The following CFDP1 variants were observed in gnomAD, a reference collection of about 807,000 sequenced individuals.
The protein encoded by CFDP1 is chromatin remodeling protein CFDP1.
Under a neutral mutation model 40.1 loss-of-function variants are expected in CFDP1, and 31 were observed. That is an observed-to-expected ratio of 0.77 (90% CI 0.58 to 1.04). The LOEUF (loss-of-function observed/expected upper bound fraction) is 1.04. Among genes scored for constraint, CFDP1 ranks in the 50% least tolerant of loss-of-function variants. The pLI is 0.00. For missense variants in CFDP1, 423 were observed against 343.4 expected (o/e 1.23, Z -1.83); for synonymous variants, 167 against 120.0 (o/e 1.39, Z -2.56).
intron 5 of CFDP1, among the ~76,000 whole-genome samples, chr16:75,385,546 A>T (rs112837265): frequency 5.9e-5 from 9 of 151,734 alleles, no homozygotes; most frequent in Non-Finnish European, 1.0e-4. Flanking sequence ...GTTGAAAAAA[A>T]AAATTCTAAT....
intron 1 of CFDP1, among the ~76,000 whole-genome samples, chr16:75,424,532 G>C (rs544666175): frequency 6.6e-6 from 1 of 152,218 alleles, no homozygotes; most frequent in East Asian, 1.9e-4. Context: ...GAGGCGGGCG[G>C]ATCACGAGGT....
chr16:75,400,498 T>C (rs72787147), intron 4 of CFDP1, among the ~76,000 whole-genome samples: 9,351 of 152,160 alleles, frequency 0.061, 324 homozygotes, highest in Middle Eastern at 0.13. Flanking sequence ...CTAAAACCAG[T>C]TGGAATTATC....
intron 6 of CFDP1, among the ~76,000 whole-genome samples, chr16:75,297,180 G>GTGTC (rs1555551802): frequency 6.7e-6 from 1 of 149,466 alleles, no homozygotes; most frequent in African/African-American, 2.4e-5. Context: ...GTGTGTGTGT[G>GTGTC]TGTGTGTGTG....
intron 1 of CFDP1, among the ~76,000 whole-genome samples, chr16:75,431,469 A>AAAG (rs1555569211): frequency 2.7e-5 from 4 of 149,134 alleles, no homozygotes; most frequent in Non-Finnish European, 5.9e-5. Context: ...AAAAAAAAAA[A>AAAG]AAAAAAAAGA....
chr16:75,366,664 T>C (rs1238434195), intron 5 of CFDP1, among the ~76,000 whole-genome samples: 2 of 151,970 alleles, frequency 1.3e-5, no homozygotes, highest in African/African-American at 2.4e-5. Context: ...TATAGGGAGA[T>C]AGATACTGAA....
intron 5 of CFDP1, among the ~76,000 whole-genome samples, chr16:75,347,229 A>T (rs1227571854): frequency 6.6e-6 from 1 of 151,098 alleles, no homozygotes; most frequent in Non-Finnish European, 1.5e-5. Context: ...TTGTAATCCC[A>T]GGTACTCAGG....
At chr16:75,387,471 C>A (rs1053621696) in intron 5 of CFDP1, among the ~76,000 whole-genome samples, 1 of 152,202 alleles carries the variant, frequency 6.6e-6, no homozygotes, top group African/African-American at 2.4e-5. Context: ...CAAACCATGT[C>A]ATTCTGGAGC....
At chr16:75,402,786 T>C (rs1404856887) in intron 4 of CFDP1, among the ~76,000 whole-genome samples, 4 of 152,190 alleles carry the variant, frequency 2.6e-5, no homozygotes, top group South Asian at 2.1e-4. Flanking sequence ...TGAGAATTCC[T>C]TATAATGCCT....
chr16:75,336,123 G>GT (rs1160490208), intron 5 of CFDP1, among the ~76,000 whole-genome samples: 2 of 152,158 alleles, frequency 1.3e-5, no homozygotes, highest in African/African-American at 2.4e-5. Context: ...ATCAGAATCA[G>GT]TATCACTTAG....
At chr16:75,340,470 T>A (rs1455336689) in intron 5 of CFDP1, among the ~76,000 whole-genome samples, 2 of 152,208 alleles carry the variant, frequency 1.3e-5, no homozygotes, top group Non-Finnish European at 2.9e-5. Context: ...CACACTAAAA[T>A]ATTTACATAA....
In CFDP1 at chr16:75,392,464, T is replaced by C. The variant is rs376859978; in HGVS notation, c.650+2626A>G. Among the ~76,000 whole-genome samples the C allele has an allele frequency of 1.3e-4, 20 of 152,270 alleles. 3 individuals are homozygous for C. The highest frequency in any genetic ancestry group is 6.5e-4 in the Admixed American group (10 of 15,290). On this transcript the variant is annotated intron_variant, in intron 5 of 6. Transcript: ENST00000283882. ...CAGCTTGTTACCAGGTATAAGCATATAAGTAACTGAAATAAAAATTCTATA... is the reference window on the plus strand; with the variant it reads ...CAGCTTGTTACCAGGTATAAGCATACAAGTAACTGAAATAAAAATTCTATA...
chr16:75,400,101 CAAAAAAAA>C (rs71276627), intron 4 of CFDP1, among the ~76,000 whole-genome samples: 2 of 59,326 alleles, frequency 3.4e-5, no homozygotes, highest in Admixed American at 2.2e-4. Flanking sequence ...AACTCCATCT[CAAAAAAAA>C]AAAAAAAAAA....
intron 5 of CFDP1, chr16:75,305,427 T>C: frequency 4.3e-6 from 2 of 467,250 alleles, no homozygotes; most frequent in East Asian, 3.8e-5. Context: ...TCCTGCCTTC[T>C]TCAGACCTCT....
intron 1 of CFDP1, among the ~76,000 whole-genome samples, chr16:75,415,011 C>T (rs1187024089): frequency 1.3e-5 from 2 of 152,144 alleles, no homozygotes; most frequent in Non-Finnish European, 2.9e-5. Context: ...TTCATTGTGA[C>T]TTTTAAGTAT....
intron 5 of CFDP1, chr16:75,324,570 C>A (rs1597331757): frequency 6.6e-6 from 1 of 151,892 alleles, no homozygotes; most frequent in East Asian, 1.9e-4. Context: ...GGTGAAACTC[C>A]GTCTCTACTA....
At chr16:75,421,437 T>C (rs2079278980) in intron 1 of CFDP1, among the ~76,000 whole-genome samples, 1 of 152,058 alleles carries the variant, frequency 6.6e-6, no homozygotes, top group African/African-American at 2.4e-5. Context: ...CAATATCAAA[T>C]TCCATGCAGT....
In CFDP1 at chr16:75,412,525, C is replaced by T; in HGVS notation, c.402+10G>A. 6.2e-7 allele frequency: 1 copy of T among 1,608,668 alleles called. No individual in the cohort carries two copies. Among genetic ancestry groups the T allele is most frequent in the South Asian group, 1.1e-5 (1 of 90,934 alleles). Reference sequence around the variant, plus strand: ...GGAGAGGCATTCACCTCACTAATGTCTCAACTTACCTTAACTTGTGTACTT... The same window carrying T: ...GGAGAGGCATTCACCTCACTAATGTTTCAACTTACCTTAACTTGTGTACTT... On this transcript the variant is annotated intron_variant, in intron 3 of 6. Coordinates refer to ENST00000283882, the MANE Select transcript of CFDP1 (RefSeq NM_006324.3).
chr16:75,332,197 G>A (rs1457151447), intron 5 of CFDP1, among the ~76,000 whole-genome samples: 1 of 152,164 alleles, frequency 6.6e-6, no homozygotes, highest in South Asian at 2.1e-4. Context: ...AGGTGCGGTG[G>A]CTCACGCCTG....
intron 5 of CFDP1, among the ~76,000 whole-genome samples, chr16:75,317,735 A>G (rs529081074): frequency 6.6e-6 from 1 of 152,258 alleles, no homozygotes; most frequent in East Asian, 1.9e-4. Flanking sequence ...TATTTTCCAG[A>G]TACTGGTTCC....
Sources: allele counts gnomAD v4.1 joint callset (sites outside exome capture counted in the v4.1 genomes callset), GRCh38; gene constraint gnomAD v4.1.1; transcripts MANE v1.5; gene names NCBI Gene and HGNC (gene_info 2026-07-23, HGNC 2026-07-21).